PTPRD: variants seen among roughly 807,000 people sequenced by gnomAD.
PTPRD encodes protein tyrosine phosphatase receptor type D.
A neutral mutation model predicts 214.5 loss-of-function variants in PTPRD; 34 were observed. The observed-to-expected ratio is 0.16, with a 90% CI of 0.12 to 0.21. The LOEUF is 0.21. Ranked by LOEUF, PTPRD falls within the 10% of genes least tolerant of loss-of-function variation. The pLI, the probability that PTPRD is intolerant of heterozygous loss-of-function variation, is 1.00. For missense variants in PTPRD, 2,545 were observed against 2,398.7 expected (o/e 1.06, Z -1.27); for synonymous variants, 1,128 against 845.7 (o/e 1.33, Z -5.79).
At chr9:9,595,286 TATTA>T (rs1438746746) in intron 7 of PTPRD, among the ~76,000 whole-genome samples, 69 of 2,418 alleles carry the variant, frequency 0.029, no homozygotes, top group African/African-American at 0.071. Context: ...ATTATATATA[TATTA>T]TATATATATA....
intron 9 of PTPRD, among the ~76,000 whole-genome samples, chr9:9,380,646 AT>A (rs1431852079): frequency 1.3e-5 from 2 of 151,902 alleles, no homozygotes; most frequent in African/African-American, 2.4e-5. Context: ...TTTGAGAAGA[AT>A]TTTTTTTGCC....
At position 10,206,110 on chromosome 9, in the gene PTPRD, C is replaced by CA. The variant is rs111832856; in HGVS notation, c.-545+134852dup. 6.0e-3 allele frequency among the ~76,000 whole-genome samples: 808 copies of CA among 134,532 alleles called. 8 individuals carry two copies. The highest frequency in any genetic ancestry group is 0.022 in the South Asian group (94 of 4,342). 88.3% of individuals were successfully genotyped at this position (134,532 alleles called of 152,430 possible). A position where few individuals can be genotyped will look rare whatever the true frequency, so the allele number is the denominator to read the frequency against. ...AGCGCGTGAAGCTTTAATTGTATCT[C>CA]AAAAAAAAAAAAAATTAGGAGTTTG... On this transcript the variant is annotated intron_variant, in intron 3 of 45. Transcript: ENST00000381196.
intron 39 of PTPRD, among the ~76,000 whole-genome samples, chr9:8,350,853 A>G (rs12338619): frequency 0.017 from 2,655 of 152,270 alleles, 86 homozygotes; most frequent in African/African-American, 0.06. Flanking sequence ...AACATACACT[A>G]TATCCCTATA....
At chr9:9,263,590 C>A (rs1289589289) in intron 9 of PTPRD, among the ~76,000 whole-genome samples, 1 of 151,628 alleles carries the variant, frequency 6.6e-6, no homozygotes, top group Non-Finnish European at 1.5e-5. Context: ...CAGTAAATAT[C>A]CAATTTTCCC....
chr9:8,598,686 A>G (rs1037180022), intron 14 of PTPRD, among the ~76,000 whole-genome samples: 2 of 152,174 alleles, frequency 1.3e-5, no homozygotes, highest in African/African-American at 4.8e-5. Context: ...TATACTTCAT[A>G]GCACTAAAAA....
chr9:8,471,393 TAGA>T (rs2096650108), intron 30 of PTPRD, among the ~76,000 whole-genome samples: 1 of 152,134 alleles, frequency 6.6e-6, no homozygotes, highest in Non-Finnish European at 1.5e-5. Context: ...CATACAAGGC[TAGA>T]ATACTGCAAT....
chr9:8,545,625 T>C (rs2079867716), intron 14 of PTPRD, among the ~76,000 whole-genome samples: 1 of 152,292 alleles, frequency 6.6e-6, no homozygotes, highest in South Asian at 2.1e-4. Context: ...CTTTGGTAAA[T>C]ATTCTGAAGT....
intron 11 of PTPRD, among the ~76,000 whole-genome samples, chr9:8,801,198 G>A (rs1162752365): frequency 6.6e-6 from 1 of 152,144 alleles, no homozygotes; most frequent in African/African-American, 2.4e-5. Context: ...GATAAACTCA[G>A]AAATAAAAAT....
At chr9:9,128,231 A>G (rs2099837097) in intron 10 of PTPRD, among the ~76,000 whole-genome samples, 1 of 152,234 alleles carries the variant, frequency 6.6e-6, no homozygotes, top group South Asian at 2.1e-4. Context: ...CATTGTTAAT[A>G]GGTCTTTCTA....
At chr9:9,063,436 G>C (rs868338827) in intron 10 of PTPRD, among the ~76,000 whole-genome samples, 1 of 152,074 alleles carries the variant, frequency 6.6e-6, no homozygotes, top group South Asian at 2.1e-4. Flanking sequence ...GGTGACTTAG[G>C]ATAAGAGAAA....
At chr9:9,441,776 T>G (rs2087961278) in intron 8 of PTPRD, among the ~76,000 whole-genome samples, 1 of 152,146 alleles carries the variant, frequency 6.6e-6, no homozygotes, top group Non-Finnish European at 1.5e-5. Context: ...TAAAATGATA[T>G]CATTATGTAC....
At chr9:8,992,844 A>C (rs993906476) in intron 11 of PTPRD, among the ~76,000 whole-genome samples, 3 of 152,190 alleles carry the variant, frequency 2.0e-5, no homozygotes, top group Non-Finnish European at 1.5e-5. Flanking sequence ...GACTAAAGGG[A>C]CAGAAACTGA....
intron 11 of PTPRD, among the ~76,000 whole-genome samples, chr9:8,852,119 T>G (rs1291594893): frequency 6.6e-6 from 1 of 152,216 alleles, no homozygotes; most frequent in Non-Finnish European, 1.5e-5. Context: ...GATCACTTTA[T>G]GTATTTGAAA....
At chr9:9,933,661 C>T (rs1173095252) in intron 5 of PTPRD, among the ~76,000 whole-genome samples, 1 of 148,290 alleles carries the variant, frequency 6.7e-6, no homozygotes, top group African/African-American at 2.6e-5. Context: ...CAACATTAGA[C>T]AGATCAACCA....
rs543282128 is a variant in PTPRD at position 9,717,131 on chromosome 9, T to G, written c.-287+17402A>C. On this transcript the variant is annotated intron_variant, in intron 7 of 45. Coordinates refer to ENST00000381196, the MANE Select transcript of PTPRD (RefSeq NM_002839.4). ...GAATCCTTTCCCCATTGCTTGTTTT[T>G]GTCAGGTTTGTCAAAGATCAGATAG... Among the ~76,000 whole-genome samples, 502 of 152,168 alleles carry G rather than the reference T, an allele frequency of 3.3e-3. 1 individual carries two copies. The highest frequency in any genetic ancestry group is 0.011 in the African/African-American group (474 of 41,526).
chr9:9,906,820 T>C (rs2077700232), intron 5 of PTPRD, among the ~76,000 whole-genome samples: 1 of 151,936 alleles, frequency 6.6e-6, no homozygotes, highest in African/African-American at 2.4e-5. Context: ...ATTCATAAGA[T>C]TATTCTCTTT....
intron 44 of PTPRD, among the ~76,000 whole-genome samples, chr9:8,328,798 G>T (rs1035037845): frequency 6.6e-6 from 1 of 151,820 alleles, no homozygotes; most frequent in Non-Finnish European, 1.5e-5. Flanking sequence ...TCGGACATCC[G>T]TTCTTCCACT....
intron 5 of PTPRD, among the ~76,000 whole-genome samples, chr9:9,822,782 T>G (rs966106912): frequency 6.6e-6 from 1 of 152,032 alleles, no homozygotes; most frequent in East Asian, 1.9e-4. Context: ...AGTGCTGACA[T>G]GACCTCATGT....
At chr9:9,148,493 T>C (rs939247365) in intron 10 of PTPRD, among the ~76,000 whole-genome samples, 3 of 152,194 alleles carry the variant, frequency 2.0e-5, no homozygotes, top group African/African-American at 7.2e-5. Flanking sequence ...TATCCTGTCA[T>C]TTGATACATA....
Sources: allele counts gnomAD v4.1 joint callset (sites outside exome capture counted in the v4.1 genomes callset), GRCh38; gene constraint gnomAD v4.1.1; transcripts MANE v1.5; gene names NCBI Gene and HGNC (gene_info 2026-07-23, HGNC 2026-07-21).